A1BG: variants seen among roughly 807,000 people sequenced by gnomAD.
A1BG encodes alpha-1-B glycoprotein.
In A1BG, 44 loss-of-function variants were observed where a neutral mutation model predicts 46.0. The ratio of observed to expected loss-of-function variants is 0.96; its 90% CI spans 0.75 to 1.23. The LOEUF is 1.23. A1BG is among the 50% of genes most tolerant of loss of function. The pLI is 0.00. For missense variants in A1BG, 707 were observed against 688.8 expected, an observed-to-expected ratio of 1.03 and a Z score of -0.30; for synonymous variants, 316 against 314.7, an observed-to-expected ratio of 1.00 and a Z score of -0.04.
intron 6 of A1BG, 120 bp downstream of exon 6, chr19:58,350,238 CGGGGTAGGCGAT>C: frequency 1.7e-6 from 2 of 1,192,942 alleles, no homozygotes; most frequent in South Asian, 3.4e-5. Context: ...TGCTCCCCGC[CGGGGTAGGCGAT>C]GGGGGCTGAA....
Position 58,346,290 on chromosome 19 carries a change from T to C in A1BG, c.*732A>G, listed in dbSNP as rs1003887440. The stretch of plus-strand genomic sequence containing the variant: ...GAAAGAGGCCCTGAGAAGTGTTGGT[T>C]GGCCAGGTGCTGTGGCTCACACCTG... On this transcript the variant is annotated 3_prime_UTR_variant, in exon 8 of 8. Transcript: ENST00000263100. The C allele has an allele frequency of 2.0e-5, 3 of 153,600 alleles. No individual in the cohort carries two copies. The highest frequency in any genetic ancestry group is 7.2e-5 in the African/African-American group (3 of 41,430). 9.5% of individuals were successfully genotyped at this position (153,600 alleles called of 1,614,324 possible).
chr19:58,346,547 G>T lies in A1BG; in HGVS notation c.*475C>A. The T allele has an allele frequency of 4.1e-6, 1 of 246,034 alleles. No homozygotes were observed. Among genetic ancestry groups the T allele is most frequent in the South Asian group, 4.2e-5 (1 of 23,616 alleles). 15.2% of individuals were successfully genotyped at this position (246,034 alleles called of 1,614,324 possible). Reference sequence around the variant, plus strand: ...AAGACAAGCTTGGGCAACACAGTGAGACCCTGTCTACAAAAAATAATAATT... The same window carrying T: ...AAGACAAGCTTGGGCAACACAGTGATACCCTGTCTACAAAAAATAATAATT... On this transcript the variant is annotated 3_prime_UTR_variant, in exon 8 of 8. Transcript: ENST00000263100.
At chr19:58,352,740 T>G in intron 3 of A1BG, 185 bp from the exon 4 acceptor site, 2 of 1,142,864 alleles carry the variant, frequency 1.7e-6, no homozygotes, top group Admixed American at 2.4e-5. Context: ...GTGTGGGAGC[T>G]GTACGGCATG....
intron 6 of A1BG, chr19:58,347,865 C>T (rs912433199): frequency 4.0e-5 from 13 of 328,914 alleles, no homozygotes; most frequent in Non-Finnish European, 6.6e-5. Context: ...CCGCACCCCT[C>T]CCCCAGGACC....
intron 5 of A1BG, 131 bp downstream of exon 5, chr19:58,351,259 CG>C (rs1568553650): frequency 1.8e-6 from 2 of 1,121,710 alleles, no homozygotes; most frequent in Admixed American, 2.1e-5. Context: ...GACCCTGAAT[CG>C]GCGGGTGGGC....
In A1BG at chr19:58,353,431, T is replaced by C. The variant is rs748103399; in HGVS notation, c.7A>G (p.Met3Val). Residue 3 changes from methionine to valine, a missense_variant, in exon 1 of 8, where the codon ATG becomes GTG. Met to Val is a conservative substitution (Grantham distance 21, BLOSUM62 1). Coordinates refer to ENST00000263100, the MANE Select transcript of A1BG (RefSeq NM_130786.4). ...CACAGCAAGAGAAAGACCACGAGCA[T>C]GGACATGATGGTCGCGCTCACTCCG... Reference protein sequence around the residue: MSMLVVFLLLWGV... With the variant: MSVLVVFLLLWGV... 3.1e-6 allele frequency: 5 copies of C among 1,608,600 alleles called. No individual in the cohort carries two copies. In the African/African-American group the frequency reaches 5.4e-5, roughly 17 times the overall value.
chr19:58,351,075 G>C, intron 5 of A1BG: 1 of 503,428 alleles, frequency 2.0e-6, no homozygotes, highest in Non-Finnish European at 3.6e-6. Flanking sequence ...TCAGGTCCAA[G>C]GCAAGCGAGC....
intron 6 of A1BG, among the ~76,000 whole-genome samples, chr19:58,348,176 AC>A (rs1332405391): frequency 6.6e-6 from 1 of 152,034 alleles, no homozygotes; most frequent in East Asian, 1.9e-4. Flanking sequence ...ACACGGTGAA[AC>A]CCCGTCTCTA....
Position 58,351,464 on chromosome 19 carries a change from G to A in A1BG, c.837C>T (p.Cys279=). The A allele has an allele frequency of 6.2e-7, 1 of 1,613,726 alleles. No individual in the cohort carries two copies. The highest frequency in any genetic ancestry group is 8.5e-7 in the Non-Finnish European group (1 of 1,180,020). ...TTTGGTTGTCATGCAGCCGGTAGCG[G>A]CAGGTGTAGTGACCTCCATCCCCCA... ...VALGDGGHYT[C]RYRLHDNQNG... Residue 279 remains cysteine (C), a synonymous_variant, in exon 5 of 8, where the codon TGC becomes TGT. Coordinates refer to ENST00000263100, the MANE Select transcript of A1BG (RefSeq NM_130786.4).
Position 58,351,594 on chromosome 19 carries a change from A to C in A1BG, c.707T>G (p.Leu236Arg). 3 of 1,613,760 alleles carry C rather than the reference A, an allele frequency of 1.9e-6. No homozygotes were observed. The highest frequency in any genetic ancestry group is 2.5e-6 in the Non-Finnish European group (3 of 1,179,986). ...CCGTAGCTGGAAGTCCACTCCACTC[A>C]GGGGAGCCACGCAGGTGAGGGTCAC... ...NKVTLTCVAP[L>R]SGVDFQLRRG... Residue 236 changes from leucine to arginine, a missense_variant, in exon 5 of 8, where the codon CTG (leucine) becomes CGG (arginine). Transcript: ENST00000263100.
Position 58,345,808 on chromosome 19 carries a change from G to C in A1BG, c.*1214C>G, listed in dbSNP as rs958672210. 6.6e-6 allele frequency: 1 copy of C among 152,284 alleles called. No individual in the cohort carries two copies. The allele number at this position is 152,284 out of a possible 1,614,324, so 9.4% of individuals were successfully genotyped here. A position where few individuals can be genotyped will look rare whatever the true frequency, so the allele number is the denominator to read the frequency against. The stretch of plus-strand genomic sequence containing the variant: ...AAAGGCATAGGCATATTAGGAACTA[G>C]ATATTACTAAGGCAGTAAACCAGAT... On this transcript the variant is annotated 3_prime_UTR_variant, in exon 8 of 8. Coordinates refer to ENST00000263100, the MANE Select transcript of A1BG (RefSeq NM_130786.4).
intron 7 of A1BG, 129 bp downstream of exon 7, chr19:58,347,224 C>T (rs2051919331): frequency 1.4e-6 from 2 of 1,403,170 alleles, no homozygotes; most frequent in South Asian, 1.3e-5. Flanking sequence ...CCCCCACGAG[C>T]CCTGGGGAGA....
rs879109372 is a variant in A1BG at position 58,346,580 on chromosome 19, C to T, written c.*442G>A. ...CTACAAAAAATAATAATTAGCCAGA[C>T]GTGGCGATGCATGCCCAGGCTCCCA... On this transcript the variant is annotated 3_prime_UTR_variant, in exon 8 of 8. Transcript: ENST00000263100. 21 of 256,288 alleles carry T rather than the reference C, an allele frequency of 8.2e-5. No individual in the cohort carries two copies. The East Asian group carries it at 2.1e-3, about 26-fold the overall frequency. The allele number at this position is 256,288 out of a possible 1,614,324, so 15.9% of individuals were successfully genotyped here.
chr19:58,346,747 C>T lies in A1BG; in HGVS notation c.*275G>A. On this transcript the variant is annotated 3_prime_UTR_variant, in exon 8 of 8. Transcript: ENST00000263100. ...AAAGAAAAAAGAAAAGAAAACTGTG[C>T]TCTTAAGAGCCAGTTCTCCACTCCT... 7.1e-6 allele frequency: 4 copies of T among 563,878 alleles called. No homozygotes were observed. Among genetic ancestry groups the T allele is most frequent in the Admixed American group, 6.4e-5 (2 of 31,296 alleles). 34.9% of individuals were successfully genotyped at this position (563,878 alleles called of 1,614,324 possible).
rs2051959458 is a variant in A1BG, at chr19:58,351,602, C to A, written c.699G>T (p.Val233=). Residue 233 remains valine, a synonymous_variant, in exon 5 of 8, where the codon GTG becomes GTT. Coordinates refer to ENST00000263100, the MANE Select transcript of A1BG (RefSeq NM_130786.4). ...HPGNKVTLTC[V]APLSGVDFQL... Reference sequence around the variant, plus strand: ...GGAAGTCCACTCCACTCAGGGGAGCCACGCAGGTGAGGGTCACCTTGTTGC... The same window carrying A: ...GGAAGTCCACTCCACTCAGGGGAGCAACGCAGGTGAGGGTCACCTTGTTGC... 2 of 1,613,744 alleles carry A rather than the reference C, an allele frequency of 1.2e-6. No homozygotes were observed. Among genetic ancestry groups the A allele is most frequent in the East Asian group, 4.5e-5 (2 of 44,864 alleles).
Position 58,347,602 on chromosome 19 carries a change from C to G in A1BG, c.1231G>C (p.Gly411Arg). Residue 411 changes from glycine to arginine, a missense_variant, in exon 7 of 8, where the codon GGG becomes CGG. Gly to Arg is a moderately radical substitution (Grantham distance 125). Transcript: ENST00000263100. ...GCATCTCGGCCCGCCAGGACCGCCC[C>G]ACTCCACGTCGCCCGGAGCTGAGGC... is the stretch of plus-strand genomic sequence containing the variant. ...PRPQLRATWSGAVLAGRDAVL... is the reference protein window; with the variant it reads ...PRPQLRATWSRAVLAGRDAVL... The G allele has an allele frequency of 6.7e-7, 1 of 1,493,796 alleles. No homozygotes were observed. The highest frequency in any genetic ancestry group is 8.9e-7 in the Non-Finnish European group (1 of 1,126,782). 92.5% of individuals were successfully genotyped at this position (1,493,796 alleles called of 1,614,324 possible). A position where few individuals can be genotyped will look rare whatever the true frequency, so the allele number is the denominator to read the frequency against.
intron 6 of A1BG, 88 bp from the exon 7 acceptor site, chr19:58,347,728 G>T: frequency 1.3e-6 from 1 of 770,662 alleles, no homozygotes; most frequent in Non-Finnish European, 1.7e-6. Context: ...GGCCGCGCCC[G>T]CGCCTGCGCC....
rs151098196 is a variant in A1BG, at chr19:58,353,000, G to A, written c.268C>T (p.Arg90Cys). ...QFLLTGDTQG[R>C]YRCRSGLSTG... ...GACAAGCCCGAGCGGCAGCGGTAGC[G>A]GCCCTGGGTGTCACCCGTCAGCAGG... Residue 90 changes from arginine to cysteine, a missense_variant, in exon 3 of 8, where the codon CGC becomes TGC. Physicochemically the swap from Arg to Cys is radical, Grantham distance 180. Coordinates refer to ENST00000263100, the MANE Select transcript of A1BG (RefSeq NM_130786.4). The A allele has an allele frequency of 4.5e-5, 73 of 1,613,990 alleles. No homozygotes were observed. In the African/African-American group the frequency reaches 6.7e-4, roughly 15 times the overall value.
chr19:58,350,937 C>T (rs1221238171), intron 5 of A1BG: 2 of 429,072 alleles, frequency 4.7e-6, no homozygotes, highest in East Asian at 3.7e-5. Context: ...TGCACGATGC[C>T]GCTCAGTAGT....
Sources: allele counts gnomAD v4.1 joint callset (sites outside exome capture counted in the v4.1 genomes callset), GRCh38; gene constraint gnomAD v4.1.1; transcripts MANE v1.5; gene names NCBI Gene and HGNC (gene_info 2026-07-23, HGNC 2026-07-21).